The following CTTNBP2NL variants were observed in gnomAD, a reference collection of about 807,000 sequenced individuals.
The protein encoded by CTTNBP2NL is CTTNBP2 N-terminal-like protein.
In CTTNBP2NL, 16 loss-of-function variants were observed where a neutral mutation model predicts 32.5. The observed-to-expected ratio is 0.49, with a 90% CI of 0.33 to 0.75. The LOEUF (loss-of-function observed/expected upper bound fraction) is 0.75. Ranked by LOEUF, CTTNBP2NL falls within the 30% of genes least tolerant of loss-of-function variation. CTTNBP2NL has a pLI of 0.02. For missense variants in CTTNBP2NL, 645 were observed against 756.0 expected (o/e 0.85, Z 1.72); for synonymous variants, 298 against 289.4 (o/e 1.03, Z -0.30).
intron 3 of CTTNBP2NL, among the ~76,000 whole-genome samples, chr1:112,433,460 G>A (rs1029349360): frequency 1.3e-5 from 2 of 152,156 alleles, no homozygotes; most frequent in Admixed American, 6.5e-5. Flanking sequence ...AGGCACAATG[G>A]TGCATGCCTG....
chr1:112,393,362 G>GA (rs1419050974), upstream of CTTNBP2NL, among the ~76,000 whole-genome samples: 1 of 151,938 alleles, frequency 6.6e-6, no homozygotes, highest in East Asian at 1.9e-4. Flanking sequence ...TACTTATTTG[G>GA]AAAAAAATTG....
Position 112,456,428 on chromosome 1 carries a change from C to T in CTTNBP2NL, c.936C>T (p.Cys312=). 6.2e-7 allele frequency: 1 copy of T among 1,614,052 alleles called. No homozygotes were observed. The highest frequency in any genetic ancestry group is 1.3e-5 in the African/African-American group (1 of 75,008). The change falls in exon 6 of 6, where the codon TGC becomes TGT. Residue 312 remains cysteine (C), a synonymous_variant. Coordinates refer to ENST00000271277, the MANE Select transcript of CTTNBP2NL (RefSeq NM_018704.3). ...CTCTCATGCTAATGTCTGTGTTTTGCCAAACAGAGAGTTTTCCAGCAGAAA... is the reference window on the plus strand; with the variant it reads ...CTCTCATGCTAATGTCTGTGTTTTGTCAAACAGAGAGTTTTCCAGCAGAAA... The part of the protein sequence containing the change: ...TEPLMLMSVF[C]QTESFPAERT...
At chr1:112,404,658 A>T (rs1473052349) in intron 1 of CTTNBP2NL, among the ~76,000 whole-genome samples, 1 of 152,222 alleles carries the variant, frequency 6.6e-6, no homozygotes, top group African/African-American at 2.4e-5. Flanking sequence ...AATTTAGGGG[A>T]CTGATGGACA....
intron 2 of CTTNBP2NL, among the ~76,000 whole-genome samples, chr1:112,413,346 A>G (rs1351202729): frequency 6.6e-6 from 1 of 152,240 alleles, no homozygotes; most frequent in Non-Finnish European, 1.5e-5. Context: ...GGCTGTCTGC[A>G]GTTTTTGATA....
chr1:112,451,361 C>G (rs1176636907), intron 4 of CTTNBP2NL, among the ~76,000 whole-genome samples: 1 of 147,870 alleles, frequency 6.8e-6, no homozygotes, highest in Non-Finnish European at 1.5e-5. Flanking sequence ...CTGAGCCTGT[C>G]ACACTATTTC....
At position 112,457,471 on chromosome 1, in the gene CTTNBP2NL, C is replaced by T; in HGVS notation, c.*59C>T. On this transcript the variant is annotated 3_prime_UTR_variant, in exon 6 of 6. Transcript: ENST00000271277. ...ATCAGATTTCGTCCAAAAGCTCAGTCAGACTTCTGAGTCAGATTATGTTAT... is the reference window on the plus strand; with the variant it reads ...ATCAGATTTCGTCCAAAAGCTCAGTTAGACTTCTGAGTCAGATTATGTTAT... The T allele has an allele frequency of 2.1e-6, 3 of 1,414,128 alleles. No individual in the cohort carries two copies. The South Asian group carries it at 4.0e-5, about 19-fold the overall frequency. 87.6% of individuals were successfully genotyped at this position (1,414,128 alleles called of 1,614,324 possible).
At chr1:112,392,678 A>G (rs1159554038), upstream of CTTNBP2NL, among the ~76,000 whole-genome samples, 1 of 152,118 alleles carries the variant, frequency 6.6e-6, no homozygotes, top group Non-Finnish European at 1.5e-5. Context: ...GAGAGGACAT[A>G]CAGAGACGCT....
intron 1 of CTTNBP2NL, among the ~76,000 whole-genome samples, chr1:112,405,446 C>T (rs907939963): frequency 2.6e-5 from 4 of 152,072 alleles, no homozygotes; most frequent in East Asian, 3.9e-4. Context: ...CACAGGTGTG[C>T]GCCACCATGC....
At chr1:112,417,172 G>T (rs1649091948) in intron 3 of CTTNBP2NL, among the ~76,000 whole-genome samples, 1 of 152,118 alleles carries the variant, frequency 6.6e-6, no homozygotes, top group African/African-American at 2.4e-5. Flanking sequence ...TAACCTGTCT[G>T]CTTTTCAGCC....
In CTTNBP2NL at chr1:112,449,231, T is replaced by C. The variant is rs904300413; in HGVS notation, c.330+59T>C. ...TGAAGTCTTTATAAATTATGCCTGA[T>C]ACTTTCTTGTCAGCTGCCAGTTTTT... On this transcript the variant is annotated intron_variant, in intron 4 of 5. Coordinates refer to ENST00000271277, the MANE Select transcript of CTTNBP2NL (RefSeq NM_018704.3). 7.1e-6 allele frequency: 7 copies of C among 990,302 alleles called. No homozygotes were observed. In the African/African-American group the frequency reaches 1.1e-4, roughly 16 times the overall value. The allele number at this position is 990,302 out of a possible 1,614,324, so 61.3% of individuals were successfully genotyped here.
At position 112,457,285 on chromosome 1, in the gene CTTNBP2NL, C is replaced by T. The variant is rs1315079544; in HGVS notation, c.1793C>T (p.Pro598Leu). ...ACCCCTTCTCCATCTGCTACCACTC[C>T]ATTGACCAAAACTCATTCCCAGGCA... ...GLTPSPSATT[P>L]LTKTHSQAAS... Residue 598 changes from proline (P) to leucine (L), a missense_variant, in exon 6 of 6, where the codon CCA (proline) becomes CTA (leucine). By Grantham distance (98) the Pro-to-Leu change is moderately conservative (BLOSUM62 -3). Transcript: ENST00000271277. The T allele has an allele frequency of 6.2e-7, 1 of 1,614,216 alleles. No homozygotes were observed. The highest frequency in any genetic ancestry group is 8.5e-7 in the Non-Finnish European group (1 of 1,180,052).
chr1:112,404,684 C>T (rs995543118), intron 1 of CTTNBP2NL, among the ~76,000 whole-genome samples: 6 of 152,240 alleles, frequency 3.9e-5, no homozygotes, highest in Admixed American at 1.3e-4. Context: ...ACAATAGAGA[C>T]GGTCAGATAC....
At chr1:112,392,010 A>G (rs992029953), upstream of CTTNBP2NL, among the ~76,000 whole-genome samples, 2 of 152,038 alleles carry the variant, frequency 1.3e-5, no homozygotes, top group Non-Finnish European at 2.9e-5. Flanking sequence ...ATAAATAAAT[A>G]AATAAATAAA....
upstream of CTTNBP2NL, among the ~76,000 whole-genome samples, chr1:112,394,686 T>C (rs561356209): frequency 6.6e-6 from 1 of 152,282 alleles, no homozygotes; most frequent in South Asian, 2.1e-4. Flanking sequence ...GGGGGAGGCA[T>C]AGAGCTGTCC....
At chr1:112,406,217 A>G (rs1302870598) in intron 1 of CTTNBP2NL, among the ~76,000 whole-genome samples, 1 of 151,880 alleles carries the variant, frequency 6.6e-6, no homozygotes, top group Non-Finnish European at 1.5e-5. Flanking sequence ...ACCTAGTTCT[A>G]TTTAACTGTA....
At chr1:112,396,565 C>T (rs1242607658) in intron 1 of CTTNBP2NL, 2 of 152,476 alleles carry the variant, frequency 1.3e-5, no homozygotes, top group Non-Finnish European at 2.9e-5. Flanking sequence ...GCACCTCAGC[C>T]TTGGCGGAGA....
In CTTNBP2NL at chr1:112,457,071, T is replaced by C; in HGVS notation, c.1579T>C (p.Ser527Pro). Reference protein sequence around the residue: ...GPIKPVSPNSSPFGTDYRNLA... With the variant: ...GPIKPVSPNSPPFGTDYRNLA... ...AATCAAGCCAGTCTCTCCCAACAGC[T>C]CTCCCTTTGGCACAGACTATCGAAA... is the stretch of plus-strand genomic sequence containing the variant. The change falls in exon 6 of 6, where the codon TCT becomes CCT. Residue 527 changes from serine (S) to proline (P), a missense_variant. Ser to Pro is a moderately conservative substitution (Grantham distance 74). Transcript: ENST00000271277. 1 of 1,613,738 alleles carries C rather than the reference T, an allele frequency of 6.2e-7. No individual in the cohort carries two copies. The highest frequency in any genetic ancestry group is 8.5e-7 in the Non-Finnish European group (1 of 1,179,952).
chr1:112,391,646 A>G (rs1241634270), upstream of CTTNBP2NL, among the ~76,000 whole-genome samples: 1 of 152,186 alleles, frequency 6.6e-6, no homozygotes, highest in East Asian at 1.9e-4. Flanking sequence ...CCTCCTAGCT[A>G]CTAAGCCTTC....
intron 3 of CTTNBP2NL, among the ~76,000 whole-genome samples, chr1:112,416,530 ACT>A (rs1196018781): frequency 6.8e-6 from 1 of 147,820 alleles, no homozygotes; most frequent in Non-Finnish European, 1.5e-5. Flanking sequence ...ACGGAGTGTC[ACT>A]CTGTCGCCAG....
Sources: gnomAD v4.1 joint callset for allele counts (sites outside exome capture counted in the v4.1 genomes callset) on GRCh38, gnomAD v4.1.1 for gene constraint, MANE v1.5 for transcripts, NCBI Gene and HGNC (gene_info 2026-07-23, HGNC 2026-07-21) for gene names.